Variants in AGMO observed in about 807,000 individuals in gnomAD.
AGMO encodes the protein alkylglycerol monooxygenase.
A neutral mutation model predicts 60.2 loss-of-function variants in AGMO; 75 were observed. The ratio of observed to expected loss-of-function variants is 1.25; its 90% CI spans 1.03 to 1.51. AGMO has a LOEUF of 1.51. Among genes scored for constraint, AGMO ranks in the 40% most tolerant of loss-of-function variants. The pLI is 0.00. For missense variants in AGMO, 763 were observed against 525.5 expected (o/e 1.45, Z -4.42); for synonymous variants, 261 against 177.1 (o/e 1.47, Z -3.76).
At position 15,338,469 on chromosome 7, in the gene AGMO, TATTTA is replaced by T. The variant is rs552445353; in HGVS notation, c.1263+27040_1263+27044del. Among the ~76,000 whole-genome samples the T allele has an allele frequency of 4.6e-5, 7 of 150,942 alleles. No individual in the cohort carries two copies. The East Asian group carries it at 5.8e-4, about 12-fold the overall frequency. The stretch of plus-strand genomic sequence containing the variant: ...ATTTGGCATTGTGATGCTCTGATCT[TATTTA>T]ATTTAAAGTCAACATTTGATAGAAA... On this transcript the variant is annotated intron_variant, in intron 12 of 12. Coordinates refer to ENST00000342526, the MANE Select transcript of AGMO (RefSeq NM_001004320.2).
chr7:15,422,077 G>A (rs1780941854), intron 4 of AGMO, among the ~76,000 whole-genome samples: 1 of 152,040 alleles, frequency 6.6e-6, no homozygotes, highest in Non-Finnish European at 1.5e-5. Context: ...GGAATTTGCA[G>A]GTATGAATCA....
intron 12 of AGMO, among the ~76,000 whole-genome samples, chr7:15,293,927 T>C (rs997094770): frequency 6.6e-6 from 1 of 151,880 alleles, no homozygotes; most frequent in African/African-American, 2.4e-5. Context: ...GAAGAAATAA[T>C]GTTATTAGGT....
At position 15,504,669 on chromosome 7, in the gene AGMO, T is replaced by G. The variant is rs1783465579; in HGVS notation, c.409+40103A>C. 2.0e-5 allele frequency among the ~76,000 whole-genome samples: 3 copies of G among 151,848 alleles called. No individual in the cohort carries two copies. The South Asian group carries it at 6.2e-4, about 31-fold the overall frequency. ...TTAAAAATTAAGTGTTTCCGTAAGT[T>G]TTAAATAGATAACAGTACTTTCTAA... On this transcript the variant is annotated intron_variant, in intron 3 of 12. Transcript: ENST00000342526.
chr7:15,361,901 G>C (rs1008375360), intron 12 of AGMO, among the ~76,000 whole-genome samples: 2 of 152,122 alleles, frequency 1.3e-5, no homozygotes, highest in Admixed American at 6.6e-5. Context: ...TCTAGATAGA[G>C]AAGAGTCACA....
intron 12 of AGMO, among the ~76,000 whole-genome samples, chr7:15,234,819 T>C (rs1312561388): frequency 2.6e-5 from 4 of 152,240 alleles, no homozygotes; most frequent in Non-Finnish European, 5.9e-5. Flanking sequence ...TATTCTTCTT[T>C]TGACTTTTAT....
intron 3 of AGMO, among the ~76,000 whole-genome samples, chr7:15,488,010 T>C (rs1352573694): frequency 2.6e-5 from 4 of 152,228 alleles, no homozygotes; most frequent in South Asian, 2.1e-4. Flanking sequence ...ACAATATGCA[T>C]AAAATTTTCC....
At chr7:15,298,625 C>A (rs534378862) in intron 12 of AGMO, among the ~76,000 whole-genome samples, 6 of 152,212 alleles carry the variant, frequency 3.9e-5, no homozygotes, top group African/African-American at 1.4e-4. Context: ...TAGTCTTGAA[C>A]CCCTGGGCTT....
chr7:15,438,676 G>T (rs771580531), intron 3 of AGMO, among the ~76,000 whole-genome samples: 37 of 152,164 alleles, frequency 2.4e-4, no homozygotes, highest in Non-Finnish European at 4.6e-4. Context: ...ATATTTAGCA[G>T]AGGACACTAA....
chr7:15,258,597 C>A (rs1313151773), intron 12 of AGMO, among the ~76,000 whole-genome samples: 1 of 152,094 alleles, frequency 6.6e-6, no homozygotes, highest in East Asian at 1.9e-4. Flanking sequence ...AATTCCACTT[C>A]CTGGCTGAAG....
intron 12 of AGMO, among the ~76,000 whole-genome samples, chr7:15,354,423 C>CACGTGTGT (rs1782409665): frequency 3.6e-5 from 1 of 27,462 alleles, no homozygotes; most frequent in African/African-American, 2.5e-4. Context: ...TGTGTGTATA[C>CACGTGTGT]ACACACGTGT....
chr7:15,123,522 C>T, the AGMO span, among the ~76,000 whole-genome samples: 1 of 151,928 alleles, frequency 6.6e-6, no homozygotes, highest in African/African-American at 2.4e-5. Flanking sequence ...TATATTCACA[C>T]AGGACTTCAA....
the AGMO span, among the ~76,000 whole-genome samples, chr7:15,152,279 G>C: frequency 6.6e-6 from 1 of 152,080 alleles, no homozygotes; most frequent in African/African-American, 2.4e-5. Flanking sequence ...AGAAATTCAT[G>C]AATTGGGCAG....
chr7:15,477,154 C>T (rs1175953010), intron 3 of AGMO, among the ~76,000 whole-genome samples: 1 of 151,874 alleles, frequency 6.6e-6, no homozygotes, highest in Non-Finnish European at 1.5e-5. Context: ...AAGAGAACTT[C>T]TCAAAATTGC....
the AGMO span, among the ~76,000 whole-genome samples, chr7:15,176,191 A>T: frequency 1.6e-4 from 25 of 152,086 alleles, no homozygotes; most frequent in Admixed American, 1.4e-3. Context: ...TACAGTCATT[A>T]TTTACATTTC....
At chr7:15,198,044 G>C (rs575883247), downstream of AGMO, among the ~76,000 whole-genome samples, 5 of 152,224 alleles carry the variant, frequency 3.3e-5, no homozygotes, top group South Asian at 8.3e-4. Context: ...AATACTAATA[G>C]AGGACTACTC....
the AGMO span, among the ~76,000 whole-genome samples, chr7:15,175,293 C>T: frequency 6.6e-6 from 1 of 151,880 alleles, no homozygotes; most frequent in Non-Finnish European, 1.5e-5. Flanking sequence ...TAACTATCTT[C>T]CAGTACAAAA....
At position 15,365,591 on chromosome 7, in the gene AGMO, GGA is replaced by G. The variant is rs770138640; in HGVS notation, c.1184_1185del (p.Leu395ProfsTer26). ...QRPKAAIMETLRCLMFLMLYR... is the reference protein window; with the variant it reads ...QRPKAAIMETXRCLMFLMLYR... Reference sequence around the variant, plus strand: ...TACAGCATTAAGAACATCAAGCAACGGAGAGTTTCCATAATAGCTGCCTTGGG... The same window carrying G: ...TACAGCATTAAGAACATCAAGCAACGGAGTTTCCATAATAGCTGCCTTGGG... On this transcript the variant is annotated frameshift_variant, in exon 12 of 13. Transcript: ENST00000342526. LOFTEE classifies it high-confidence loss of function. The G allele has an allele frequency of 1.9e-6, 3 of 1,612,414 alleles. No individual in the cohort carries two copies. Among genetic ancestry groups the G allele is most frequent in the Admixed American group, 1.7e-5 (1 of 59,904 alleles).
intron 5 of AGMO, among the ~76,000 whole-genome samples, chr7:15,413,179 T>A (rs1439300320): frequency 6.6e-6 from 1 of 152,180 alleles, no homozygotes; most frequent in African/African-American, 2.4e-5. Context: ...AGAACATAAA[T>A]GTATAATATT....
intron 12 of AGMO, among the ~76,000 whole-genome samples, chr7:15,329,254 C>T (rs779767851): frequency 2.0e-5 from 3 of 152,142 alleles, no homozygotes; most frequent in African/African-American, 4.8e-5. Context: ...ATACTAAATA[C>T]CCAAGACAAT....
Sources: allele counts gnomAD v4.1 joint callset (sites outside exome capture counted in the v4.1 genomes callset), GRCh38; gene constraint gnomAD v4.1.1; transcripts MANE v1.5; gene names NCBI Gene and HGNC (gene_info 2026-07-23, HGNC 2026-07-21).